Variants in OR52N1 observed in about 807,000 individuals in gnomAD.
OR52N1 encodes the protein olfactory receptor 52N1.
Under a neutral mutation model 13.9 loss-of-function variants are expected in OR52N1, and 11 were observed. That is an observed-to-expected ratio of 0.79 (90% CI 0.50 to 1.31). OR52N1 has a LOEUF of 1.31. Among genes scored for constraint, OR52N1 ranks in the 40% most tolerant of loss-of-function variants. The pLI is 0.00. For synonymous variants in OR52N1, 142 were observed against 143.7 expected (o/e 0.99, Z 0.08); for missense variants, 414 against 397.7 (o/e 1.04, Z -0.35).
At chr11:5,788,918 C>A in intron 1 of OR52N1, 58 bp from the exon 2 acceptor site, 1 of 1,284,148 alleles carries the variant, frequency 7.8e-7, no homozygotes, top group South Asian at 1.4e-5. Flanking sequence ...CATCAGTCTT[C>A]TTTCCCATAA....
In OR52N1 at chr11:5,788,115, ATC is replaced by A. The variant is rs1854614465; in HGVS notation, c.700_701del (p.Asp234CysfsTer47). On this transcript the variant is annotated frameshift_variant, in exon 2 of 2. Transcript: ENST00000641645. LOFTEE classifies it high-confidence loss of function. The stretch of plus-strand genomic sequence containing the variant: ...AGGTGCTGAAGGCCTTCTGTCGAGC[ATC>A]TGCTGATGATAGACTCACAACTGCT... ...LQAVVSLSSA[D>X]ARQKAFSTCT... The A allele has an allele frequency of 1.2e-6, 2 of 1,613,954 alleles. No homozygotes were observed. Among genetic ancestry groups the A allele is most frequent in the African/African-American group, 2.7e-5 (2 of 74,928 alleles).
Position 5,788,853 on chromosome 11 carries a change from C to A in OR52N1, c.-37G>T. 1 of 1,520,942 alleles carries A rather than the reference C, an allele frequency of 6.6e-7. No homozygotes were observed. The highest frequency in any genetic ancestry group is 8.7e-7 in the Non-Finnish European group (1 of 1,143,244). The allele number at this position is 1,520,942 out of a possible 1,614,324, so 94.2% of individuals were successfully genotyped here. A position where few individuals can be genotyped will look rare whatever the true frequency, so the allele number is the denominator to read the frequency against. ...GAAGTTCATTGTATAGCAGTTATAG[C>A]ATTGCCTCTGTGAGCAGGAAATAAA... On this transcript the variant is annotated 5_prime_UTR_variant, in exon 2 of 2. The change abolishes an upstream ATG in the 5' untranslated region. Coordinates refer to ENST00000641645, the MANE Select transcript of OR52N1 (RefSeq NM_001001913.2).
At position 5,786,499 on chromosome 11, in the gene OR52N1, A is replaced by T. The variant is rs1369837792; in HGVS notation, c.*1355T>A. On this transcript the variant is annotated 3_prime_UTR_variant, in exon 2 of 2. Coordinates refer to ENST00000641645, the MANE Select transcript of OR52N1 (RefSeq NM_001001913.2). ...CAAGTGTTCTCATTGTTCAATTCCCACCTATGAGTGAGAACATGCAGTGTT... is the reference window on the plus strand; with the variant it reads ...CAAGTGTTCTCATTGTTCAATTCCCTCCTATGAGTGAGAACATGCAGTGTT... 2 of 106,576 alleles carry T rather than the reference A, an allele frequency of 1.9e-5. No homozygotes were observed. Among genetic ancestry groups the T allele is most frequent in the African/African-American group, 3.6e-5 (1 of 28,102 alleles). 6.6% of individuals were successfully genotyped at this position (106,576 alleles called of 1,614,324 possible). A position where few individuals can be genotyped will look rare whatever the true frequency, so the allele number is the denominator to read the frequency against.
In OR52N1 at chr11:5,788,307, G is replaced by T; in HGVS notation, c.510C>A (p.Tyr170Ter). 2 of 1,614,024 alleles carry T rather than the reference G, an allele frequency of 1.2e-6. No individual in the cohort carries two copies. Among genetic ancestry groups the T allele is most frequent in the East Asian group, 4.5e-5 (2 of 44,828 alleles). The change falls in exon 2 of 2, where the codon TAC becomes TAA. Residue 170 changes from tyrosine (Y) to a stop codon, truncating the protein, a stop_gained. Transcript: ENST00000641645. LOFTEE classifies it high-confidence loss of function. ...PSTFLTKRLP[Y>*]CKGNVIPHTY... The stretch of plus-strand genomic sequence containing the variant: ...TGTGGGGTATGACGTTGCCCTTGCA[G>T]TATGGAAGGCGCTTGGTGAGGAAAG...
chr11:5,788,798 T>C lies in OR52N1; in HGVS notation c.19A>G (p.Thr7Ala). 6.2e-7 allele frequency: 1 copy of C among 1,604,142 alleles called. No homozygotes were observed. The highest frequency in any genetic ancestry group is 1.1e-5 in the South Asian group (1 of 90,864). The change falls in exon 2 of 2, where the codon ACC (threonine) becomes GCC (alanine). Residue 7 changes from threonine to alanine, a missense_variant. Physicochemically the swap from Thr to Ala is moderately conservative, Grantham distance 58. Coordinates refer to ENST00000641645, the MANE Select transcript of OR52N1 (RefSeq NM_001001913.2). Reference protein sequence around the residue: MSFLNGTSLTPASFILN... With the variant: MSFLNGASLTPASFILN... ...ATGAATGAAGCTGGAGTTAGGCTGG[T>C]GCCATTTAGAAATGACATAATGACT...
intron 1 of OR52N1, among the ~76,000 whole-genome samples, chr11:5,790,769 C>T (rs1335165433): frequency 6.6e-6 from 1 of 151,954 alleles, no homozygotes; most frequent in Non-Finnish European, 1.5e-5. Context: ...TGTTCATATC[C>T]CTTTCCTACT....
At chr11:5,789,672 A>C (rs1854635310) in intron 1 of OR52N1, among the ~76,000 whole-genome samples, 1 of 152,156 alleles carries the variant, frequency 6.6e-6, no homozygotes, top group African/African-American at 2.4e-5. Flanking sequence ...TACCCATATC[A>C]AAACTTCAGC....
chr11:5,788,318 G>A lies in OR52N1; in HGVS notation c.499C>T (p.Arg167Cys), dbSNP rs7948009. 0.65 allele frequency: 1,047,211 copies of A among 1,613,558 alleles called. 344,928 individuals carry two copies. Among genetic ancestry groups the A allele is most frequent in the East Asian group, 0.71 (31,776 of 44,770 alleles). The change falls in exon 2 of 2, where the codon CGC becomes TGC. Residue 167 changes from arginine to cysteine, a missense_variant. Transcript: ENST00000641645. Reference protein sequence around the residue: ...LVIPSTFLTKRLPYCKGNVIP... With the variant: ...LVIPSTFLTKCLPYCKGNVIP... ...ACGTTGCCCTTGCAGTATGGAAGGC[G>A]CTTGGTGAGGAAAGTGGAAGGGATA...
Position 5,787,641 on chromosome 11 carries a change from G to A in OR52N1, c.*213C>T. 2.5e-6 allele frequency: 1 copy of A among 407,390 alleles called. No homozygotes were observed. The highest frequency in any genetic ancestry group is 4.7e-5 in the South Asian group (1 of 21,068). 25.2% of individuals were successfully genotyped at this position (407,390 alleles called of 1,614,324 possible). A position where few individuals can be genotyped will look rare whatever the true frequency, so the allele number is the denominator to read the frequency against. Reference sequence around the variant, plus strand: ...AAGATTAAATGCAGTGAACTTCGAAGTCCTCTATAGTAAAAAGGCTTTAAA... The same window carrying A: ...AAGATTAAATGCAGTGAACTTCGAAATCCTCTATAGTAAAAAGGCTTTAAA... On this transcript the variant is annotated 3_prime_UTR_variant, in exon 2 of 2. Coordinates refer to ENST00000641645, the MANE Select transcript of OR52N1 (RefSeq NM_001001913.2).
rs1590355163 is a variant in OR52N1 at position 5,788,028 on chromosome 11, T to C, written c.789A>G (p.Thr263=). ...GAATGGTGTGTCCCCCAAAATGGTG[T>C]GTAAAGAAGGTAAAGAAGGCTGGAA... The part of the protein sequence containing the change: ...TYVPAFFTFF[T]HHFGGHTIPL... The change falls in exon 2 of 2, where the codon ACA becomes ACG. Residue 263 remains threonine, a synonymous_variant. Coordinates refer to ENST00000641645, the MANE Select transcript of OR52N1 (RefSeq NM_001001913.2). 1 of 1,559,398 alleles carries C rather than the reference T, an allele frequency of 6.4e-7. No individual in the cohort carries two copies. The highest frequency in any genetic ancestry group is 1.1e-5 in the South Asian group (1 of 89,120).
rs1425281067 is a variant in OR52N1, at chr11:5,788,074, C to A, written c.743G>T (p.Cys248Phe). The change falls in exon 2 of 2, where the codon TGT becomes TTT. Residue 248 changes from cysteine (C) to phenylalanine (F), a missense_variant. By Grantham distance (205) the Cys-to-Phe change is radical. Transcript: ENST00000641645. ...TGGAACATAGGTGAGGACTATGGCACAGAAGTGGGCAGTGCAGGTGCTGAA... is the reference window on the plus strand; with the variant it reads ...TGGAACATAGGTGAGGACTATGGCAAAGAAGTGGGCAGTGCAGGTGCTGAA... ...KAFSTCTAHF[C>F]AIVLTYVPAF... 1 of 1,613,602 alleles carries A rather than the reference C, an allele frequency of 6.2e-7. No homozygotes were observed. The highest frequency in any genetic ancestry group is 8.5e-7 in the Non-Finnish European group (1 of 1,179,802).
intron 1 of OR52N1, among the ~76,000 whole-genome samples, chr11:5,790,629 T>C (rs558954540): frequency 6.6e-6 from 1 of 152,212 alleles, no homozygotes; most frequent in African/African-American, 2.4e-5. Flanking sequence ...GCTACTGTAA[T>C]CTGCACCCAT....
At chr11:5,789,683 C>A (rs1854635394) in intron 1 of OR52N1, among the ~76,000 whole-genome samples, 1 of 152,024 alleles carries the variant, frequency 6.6e-6, no homozygotes, top group Non-Finnish European at 1.5e-5. Context: ...AAACTTCAGC[C>A]ATAGAATCAA....
Position 5,788,676 on chromosome 11 carries a change from A to T in OR52N1, c.141T>A (p.Leu47=). The change falls in exon 2 of 2, where the codon CTT becomes CTA. Residue 47 remains leucine, a synonymous_variant. Transcript: ENST00000641645. ...CCTCATCACAGTAGATGAGGTACAT[A>T]AGGCCGAAGTTCCCTGTAATAGCAA... ...YSIAITGNFG[L]MYLIYCDEAL... 7 of 1,614,000 alleles carry T rather than the reference A, an allele frequency of 4.3e-6. No homozygotes were observed. Among genetic ancestry groups the T allele is most frequent in the Non-Finnish European group, 5.9e-6 (7 of 1,179,954 alleles).
chr11:5,788,785 G>A lies in OR52N1; in HGVS notation c.32C>T (p.Pro11Leu), dbSNP rs747954823. ...GATGCCATTTAGGATGAATGAAGCTGGAGTTAGGCTGGTGCCATTTAGAAA... is the reference window on the plus strand; with the variant it reads ...GATGCCATTTAGGATGAATGAAGCTAGAGTTAGGCTGGTGCCATTTAGAAA... The part of the protein sequence containing the change: MSFLNGTSLT[P>L]ASFILNGIPG... Residue 11 changes from proline to leucine, a missense_variant, in exon 2 of 2, where the codon CCA (proline) becomes CTA (leucine). Coordinates refer to ENST00000641645, the MANE Select transcript of OR52N1 (RefSeq NM_001001913.2). 3.1e-6 allele frequency: 5 copies of A among 1,607,382 alleles called. No homozygotes were observed. The highest frequency in any genetic ancestry group is 2.2e-5 in the South Asian group (2 of 91,032).
chr11:5,788,600 C>T lies in OR52N1; in HGVS notation c.217G>A (p.Val73Met). Residue 73 changes from valine (V) to methionine (M), a missense_variant, in exon 2 of 2, where the codon GTG (valine) becomes ATG (methionine). Val to Met is a conservative substitution (Grantham distance 21). Transcript: ENST00000641645. ...VFLALLSFTD[V>M]LMCTSTLPNT... is the part of the protein sequence containing the mutation. Reference sequence around the variant, plus strand: ...GGAAGGGTGCTGGTGCACATGAGCACATCTGTGAAGGAAAGAAGGGCAAGG... The same window carrying T: ...GGAAGGGTGCTGGTGCACATGAGCATATCTGTGAAGGAAAGAAGGGCAAGG... 1 of 1,613,958 alleles carries T rather than the reference C, an allele frequency of 6.2e-7. No individual in the cohort carries two copies. The highest frequency in any genetic ancestry group is 8.5e-7 in the Non-Finnish European group (1 of 1,179,942).
Position 5,786,471 on chromosome 11 carries a change from G to A in OR52N1, c.*1383C>T, listed in dbSNP as rs1305941237. ...CGGTGTGTGATGTTCCCCTTCCTGT[G>A]TCCAAGTGTTCTCATTGTTCAATTC... is the stretch of plus-strand genomic sequence containing the variant. On this transcript the variant is annotated 3_prime_UTR_variant, in exon 2 of 2. Coordinates refer to ENST00000641645, the MANE Select transcript of OR52N1 (RefSeq NM_001001913.2). The A allele has an allele frequency of 9.7e-5, 10 of 103,254 alleles. 2 individuals carry two copies. Among genetic ancestry groups the A allele is most frequent in the African/African-American group, 3.7e-4 (10 of 26,704 alleles). 6.4% of individuals were successfully genotyped at this position (103,254 alleles called of 1,614,324 possible).
intron 1 of OR52N1, among the ~76,000 whole-genome samples, chr11:5,789,472 T>C (rs980850134): frequency 2.0e-5 from 3 of 152,090 alleles, no homozygotes; most frequent in Non-Finnish European, 4.4e-5. Context: ...AGACCACTTG[T>C]TTTATAAGTA....
intron 1 of OR52N1, among the ~76,000 whole-genome samples, chr11:5,790,388 C>G (rs371058982): frequency 6.6e-6 from 1 of 152,010 alleles, no homozygotes; most frequent in East Asian, 1.9e-4. Context: ...TGTCATCTCT[C>G]TTTTTTTCAG....
Sources: allele counts gnomAD v4.1 joint callset (sites outside exome capture counted in the v4.1 genomes callset), GRCh38; gene constraint gnomAD v4.1.1; transcripts MANE v1.5; gene names NCBI Gene and HGNC (gene_info 2026-07-23, HGNC 2026-07-21).